Variants in MYO3B observed in about 807,000 individuals in gnomAD.
MYO3B encodes myosin IIIB, also known as myosin-IIIb.
In MYO3B, 156 loss-of-function variants were observed where a neutral mutation model predicts 174.6. The observed-to-expected ratio is 0.89, with a 90% CI of 0.78 to 1.02. MYO3B has a LOEUF of 1.02. Among genes scored for constraint, MYO3B ranks in the 50% least tolerant of loss-of-function variants. The pLI is 0.00. For synonymous variants in MYO3B, 563 were observed against 569.1 expected, an observed-to-expected ratio of 0.99 and a Z score of 0.15; for missense variants, 1,632 against 1,639.4, an observed-to-expected ratio of 1.00 and a Z score of 0.08.
At chr2:170,592,929 T>C (rs1042785591) in intron 32 of MYO3B, among the ~76,000 whole-genome samples, 1 of 151,946 alleles carries the variant, frequency 6.6e-6, no homozygotes, top group Admixed American at 6.6e-5. Flanking sequence ...TATAGATATC[T>C]AGATATCTAG....
At chr2:170,268,885 C>G (rs2093404307) in intron 7 of MYO3B, among the ~76,000 whole-genome samples, 1 of 152,028 alleles carries the variant, frequency 6.6e-6, no homozygotes, top group African/African-American at 2.4e-5. Flanking sequence ...AATGGCCATT[C>G]AAAACATGAA....
intron 22 of MYO3B, among the ~76,000 whole-genome samples, chr2:170,420,008 C>T (rs887097173): frequency 6.6e-6 from 1 of 152,022 alleles, no homozygotes; most frequent in African/African-American, 2.4e-5. Context: ...CATGGTGAAA[C>T]CCCATCTCTA....
intron 7 of MYO3B, among the ~76,000 whole-genome samples, chr2:170,310,283 C>G (rs2093729012): frequency 6.6e-6 from 1 of 152,132 alleles, no homozygotes. Flanking sequence ...CTCAGGAAGT[C>G]CTGAGAATCT....
intron 32 of MYO3B, among the ~76,000 whole-genome samples, chr2:170,565,553 T>G (rs1692017140): frequency 1.3e-5 from 2 of 152,232 alleles, no homozygotes; most frequent in East Asian, 3.8e-4. Context: ...ATCTTGCATC[T>G]TGCATTTTAG....
At chr2:170,449,589 C>G (rs1308741941) in intron 23 of MYO3B, among the ~76,000 whole-genome samples, 2 of 151,994 alleles carry the variant, frequency 1.3e-5, no homozygotes, top group African/African-American at 4.8e-5. Flanking sequence ...ACCAGCCTGA[C>G]CAACATGAAG....
In MYO3B at chr2:170,541,119, C is replaced by T. The variant is rs116019042; in HGVS notation, c.3576-1787C>T. 4.1e-3 allele frequency among the ~76,000 whole-genome samples: 628 copies of T among 152,262 alleles called. 6 individuals are homozygous for T. Among genetic ancestry groups the T allele is most frequent in the African/African-American group, 0.015 (615 of 41,542 alleles). Reference sequence around the variant, plus strand: ...CTCCCTGTGGAGAGTTGGGAGGTGTCTGCCATTGGCTTTGGATTCTGAAAA... The same window carrying T: ...CTCCCTGTGGAGAGTTGGGAGGTGTTTGCCATTGGCTTTGGATTCTGAAAA... On this transcript the variant is annotated intron_variant, in intron 30 of 34. Coordinates refer to ENST00000408978, the MANE Select transcript of MYO3B (RefSeq NM_138995.5).
intron 32 of MYO3B, chr2:170,601,847 T>C (rs1694529050): frequency 9.7e-6 from 9 of 928,366 alleles, no homozygotes; most frequent in East Asian, 7.2e-5. Context: ...TCTACCAGTT[T>C]CTTTGCAACA....
Position 170,501,790 on chromosome 2 carries a change from AGAG to A in MYO3B, c.3298_3300del (p.Gly1100del). The A allele has an allele frequency of 3.1e-6, 5 of 1,606,988 alleles. No individual in the cohort carries two copies. In the Middle Eastern group the frequency reaches 8.3e-4, roughly 266 times the overall value. The stretch of plus-strand genomic sequence containing the variant: ...ACATGGTTTTATATTTTTAGCCTGG[AGAG>A]GATATGATGCTCGGAGGAAATTTAA... On this transcript the variant is annotated inframe_deletion, in exon 28 of 35. Transcript: ENST00000408978.
chr2:170,192,505 GAAC>G (rs572105375), intron 1 of MYO3B, among the ~76,000 whole-genome samples: 90 of 150,132 alleles, frequency 6.0e-4, no homozygotes, highest in African/African-American at 2.0e-3. Context: ...TGTCCCCAGA[GAAC>G]AACATCTTTA....
At chr2:170,204,499 C>T (rs1353366783) in intron 3 of MYO3B, among the ~76,000 whole-genome samples, 1 of 152,178 alleles carries the variant, frequency 6.6e-6, no homozygotes, top group African/African-American at 2.4e-5. Context: ...GCTTATTGAG[C>T]AAGGAACATT....
chr2:170,651,552 T>C, intron 32 of MYO3B, 76 bp from the exon 33 acceptor site: 2 of 1,141,626 alleles, frequency 1.8e-6, no homozygotes, highest in Non-Finnish European at 2.7e-6. Context: ...TAAGTGCATT[T>C]ATGTGAAGAG....
chr2:170,568,285 A>G (rs568931753), intron 32 of MYO3B, among the ~76,000 whole-genome samples: 1 of 152,134 alleles, frequency 6.6e-6, no homozygotes, highest in East Asian at 1.9e-4. Context: ...GATACTATGC[A>G]CAATGCATTT....
chr2:170,236,266 T>A, intron 7 of MYO3B, 130 bp downstream of exon 7: 9 of 1,207,638 alleles, frequency 7.5e-6, no homozygotes, highest in Non-Finnish European at 9.1e-6. Context: ...ATATTTTCTT[T>A]GAAAAAGCAA....
intron 32 of MYO3B, among the ~76,000 whole-genome samples, chr2:170,551,349 A>ATTTAT (rs1553520401): frequency 4.2e-4 from 60 of 142,260 alleles, no homozygotes; most frequent in African/African-American, 6.4e-4. Flanking sequence ...ATTTAATTTA[A>ATTTAT]TTATTTATTT....
intron 7 of MYO3B, among the ~76,000 whole-genome samples, chr2:170,294,611 C>G (rs919978114): frequency 6.6e-5 from 10 of 151,768 alleles, no homozygotes; most frequent in African/African-American, 2.2e-4. Context: ...GAATGTGTAC[C>G]CTTTAATTGT....
chr2:170,547,722 C>G lies in MYO3B; in HGVS notation c.3733+3734C>G, dbSNP rs149921578. On this transcript the variant is annotated intron_variant, in intron 32 of 34. Transcript: ENST00000408978. ...GAATTACTAACAAAATAATCATGCACTTGGATGTTGTGTCAATATCAAAAC... is the reference window on the plus strand; with the variant it reads ...GAATTACTAACAAAATAATCATGCAGTTGGATGTTGTGTCAATATCAAAAC... 5.3e-5 allele frequency among the ~76,000 whole-genome samples: 8 copies of G among 152,272 alleles called. No individual in the cohort carries two copies. In the East Asian group the frequency reaches 1.5e-3, roughly 29 times the overall value.
intron 32 of MYO3B, among the ~76,000 whole-genome samples, chr2:170,562,434 A>G (rs1691773591): frequency 6.6e-6 from 1 of 152,180 alleles, no homozygotes; most frequent in Non-Finnish European, 1.5e-5. Flanking sequence ...ATTTGGTAGA[A>G]TTTAGAGAAG....
intron 22 of MYO3B, among the ~76,000 whole-genome samples, chr2:170,438,975 T>C (rs2094777953): frequency 6.6e-6 from 1 of 152,144 alleles, no homozygotes; most frequent in Admixed American, 6.6e-5. Flanking sequence ...TTGATTTTCA[T>C]TTCCCTAATG....
chr2:170,317,313 C>T (rs573828813), intron 7 of MYO3B, among the ~76,000 whole-genome samples: 1 of 152,220 alleles, frequency 6.6e-6, no homozygotes, highest in African/African-American at 2.4e-5. Context: ...GTCTGTTTCC[C>T]AAATTCTAGT....
Sources: gnomAD v4.1 joint callset for allele counts (sites outside exome capture counted in the v4.1 genomes callset) on GRCh38, gnomAD v4.1.1 for gene constraint, MANE v1.5 for transcripts, NCBI Gene and HGNC (gene_info 2026-07-23, HGNC 2026-07-21) for gene names.